Variants in ACOXL observed in about 807,000 individuals in gnomAD.
ACOXL encodes acyl-CoA oxidase like, also known as acyl-coenzyme A oxidase-like protein.
Under a neutral mutation model 71.9 loss-of-function variants are expected in ACOXL, and 70 were observed. The ratio of observed to expected loss-of-function variants is 0.97; its 90% CI spans 0.80 to 1.19. The LOEUF is 1.19. ACOXL is among the 50% of genes most tolerant of loss of function. ACOXL has a pLI of 0.00. For synonymous variants in ACOXL, 253 were observed against 281.6 expected (o/e 0.90, Z 1.02); for missense variants, 703 against 736.3 (o/e 0.95, Z 0.52).
chr2:111,091,648 C>A (rs2068529780), intron 16 of ACOXL, among the ~76,000 whole-genome samples: 1 of 152,194 alleles, frequency 6.6e-6, no homozygotes, highest in Non-Finnish European at 1.5e-5. Flanking sequence ...GGTCAGCTAA[C>A]ATCTTTATTG....
intron 16 of ACOXL, among the ~76,000 whole-genome samples, chr2:111,065,459 G>T (rs996610055): frequency 6.6e-6 from 1 of 152,150 alleles, no homozygotes; most frequent in East Asian, 1.9e-4. Context: ...ATGGTTAGAC[G>T]GTGAGCTCTT....
At chr2:110,861,150 A>G (rs1441385654) in intron 10 of ACOXL, among the ~76,000 whole-genome samples, 2 of 152,158 alleles carry the variant, frequency 1.3e-5, no homozygotes, top group African/African-American at 2.4e-5. Context: ...AACATCAACA[A>G]TAACAACGGT....
At chr2:110,775,847 T>C (rs1300718304) in intron 2 of ACOXL, among the ~76,000 whole-genome samples, 2 of 152,202 alleles carry the variant, frequency 1.3e-5, no homozygotes, top group Non-Finnish European at 2.9e-5. Context: ...GAACACAATA[T>C]GGCATTTCCT....
At chr2:110,856,047 A>G (rs572173358) in intron 10 of ACOXL, among the ~76,000 whole-genome samples, 1 of 151,986 alleles carries the variant, frequency 6.6e-6, no homozygotes, top group Non-Finnish European at 1.5e-5. Context: ...TGATTGGTGC[A>G]TTTTACAGAG....
At chr2:110,932,924 A>G (rs769275871) in intron 11 of ACOXL, among the ~76,000 whole-genome samples, 2 of 152,238 alleles carry the variant, frequency 1.3e-5, no homozygotes, top group Admixed American at 6.5e-5. Flanking sequence ...TGACAGACCC[A>G]TGAAGACTTT....
chr2:110,801,705 A>G lies in ACOXL; in HGVS notation c.601A>G (p.Arg201Gly), dbSNP rs1236411344. The G allele has an allele frequency of 6.2e-7, 1 of 1,614,158 alleles. No individual in the cohort carries two copies. The highest frequency in any genetic ancestry group is 8.5e-7 in the Non-Finnish European group (1 of 1,179,980). ...ILIFDKVRIPRENLLDKFGSV... is the reference protein window; with the variant it reads ...ILIFDKVRIPGENLLDKFGSV... The stretch of plus-strand genomic sequence containing the variant: ...AATATTTGACAAGGTTCGGATACCC[A>G]GGGAGAACCTGCTGGATAAGTGAGT... Residue 201 changes from arginine to glycine, a missense_variant, in exon 8 of 18, where the codon AGG becomes GGG. By Grantham distance (125) the Arg-to-Gly change is moderately radical. Coordinates refer to ENST00000439055, the MANE Select transcript of ACOXL (RefSeq NM_001142807.4).
chr2:110,955,933 A>ATTTTTTTTT, intron 12 of ACOXL, among the ~76,000 whole-genome samples: 1 of 101,778 alleles, frequency 9.8e-6, no homozygotes, highest in Non-Finnish European at 1.9e-5. Context: ...CTTGCCACAG[A>ATTTTTTTTT]TTTTTTTTTT....
At chr2:110,956,855 A>G (rs571552122) in intron 12 of ACOXL, among the ~76,000 whole-genome samples, 1 of 152,340 alleles carries the variant, frequency 6.6e-6, no homozygotes, top group South Asian at 2.1e-4. Flanking sequence ...ATCATAAAAT[A>G]TGTTTCATGG....
At chr2:110,733,573 C>T (rs994725077) in intron 1 of ACOXL, among the ~76,000 whole-genome samples, 14 of 152,032 alleles carry the variant, frequency 9.2e-5, no homozygotes, top group African/African-American at 3.4e-4. Context: ...AGTATGTGCC[C>T]GTGGAGGATT....
intron 12 of ACOXL, among the ~76,000 whole-genome samples, chr2:110,979,075 G>C (rs756124333): frequency 2.7e-4 from 41 of 150,892 alleles, no homozygotes; most frequent in Non-Finnish European, 1.8e-4. Context: ...AGGTGAGAAT[G>C]GGATGGGAAA....
chr2:110,845,214 C>T (rs924409657), intron 10 of ACOXL, among the ~76,000 whole-genome samples: 3 of 152,192 alleles, frequency 2.0e-5, no homozygotes, highest in Non-Finnish European at 2.9e-5. Context: ...AAGATGGTGC[C>T]TTGTTGCTGC....
At chr2:110,887,036 C>G (rs778413335) in intron 10 of ACOXL, 2 of 660,624 alleles carry the variant, frequency 3.0e-6, no homozygotes, top group Non-Finnish European at 5.0e-6. Flanking sequence ...AGATGCTGGC[C>G]TGGCGTCCAC....
chr2:111,099,403 C>G (rs1057475635), intron 17 of ACOXL: 1 of 152,226 alleles, frequency 6.6e-6, no homozygotes, highest in African/African-American at 2.4e-5. Flanking sequence ...CTGTTACTCC[C>G]CTGTAGGCAC....
At chr2:110,743,675 T>A (rs542219887) in intron 1 of ACOXL, among the ~76,000 whole-genome samples, 1 of 152,194 alleles carries the variant, frequency 6.6e-6, no homozygotes, top group Non-Finnish European at 1.5e-5. Flanking sequence ...CAGAGCACTT[T>A]GCACCATTTC....
At chr2:111,094,418 T>G (rs2068699223) in intron 17 of ACOXL, 1 of 152,168 alleles carries the variant, frequency 6.6e-6, no homozygotes, top group African/African-American at 2.4e-5. Context: ...AGAAAAGACA[T>G]GCATTGCTTA....
intron 17 of ACOXL, among the ~76,000 whole-genome samples, chr2:111,106,030 G>A (rs992161137): frequency 2.0e-5 from 3 of 152,112 alleles, no homozygotes; most frequent in South Asian, 2.1e-4. Context: ...GCTCAGCTTC[G>A]TGAATTTGTT....
chr2:111,057,547 C>CTA, intron 16 of ACOXL, among the ~76,000 whole-genome samples: 1 of 152,274 alleles, frequency 6.6e-6, no homozygotes, highest in East Asian at 1.9e-4. Context: ...AGCATGGTGT[C>CTA]CAGGCCAGGG....
intron 3 of ACOXL, among the ~76,000 whole-genome samples, chr2:110,788,747 A>G: frequency 6.6e-6 from 1 of 152,230 alleles, no homozygotes; most frequent in Admixed American, 6.5e-5. Context: ...GAGCTTGGAA[A>G]TCCTAGACAA....
intron 10 of ACOXL, among the ~76,000 whole-genome samples, chr2:110,858,670 A>G (rs1693569656): frequency 6.6e-6 from 1 of 152,260 alleles, no homozygotes; most frequent in African/African-American, 2.4e-5. Context: ...AGATGTAACA[A>G]GCTGACTCTG....
Sources: allele counts gnomAD v4.1 joint callset (sites outside exome capture counted in the v4.1 genomes callset), GRCh38; gene constraint gnomAD v4.1.1; transcripts MANE v1.5; gene names NCBI Gene and HGNC (gene_info 2026-07-23, HGNC 2026-07-21).